The following ESYT2 variants were observed in gnomAD, a reference collection of about 807,000 sequenced individuals.
ESYT2 encodes extended synaptotagmin 2, also known as extended synaptotagmin-2.
A neutral mutation model predicts 107.2 loss-of-function variants in ESYT2; 54 were observed. The ratio of observed to expected loss-of-function variants is 0.50; its 90% CI spans 0.40 to 0.63. ESYT2 has a LOEUF of 0.63. Ranked by LOEUF, ESYT2 falls within the 30% of genes least tolerant of loss-of-function variation. ESYT2 has a pLI of 0.00. For synonymous variants in ESYT2, 491 were observed against 434.1 expected, an observed-to-expected ratio of 1.13 and a Z score of -1.63; for missense variants, 1,020 against 1,094.5, an observed-to-expected ratio of 0.93 and a Z score of 0.96.
At chr7:158,799,855 C>T (rs1216712355) in intron 1 of ESYT2, among the ~76,000 whole-genome samples, 1 of 151,998 alleles carries the variant, frequency 6.6e-6, no homozygotes, top group Non-Finnish European at 1.5e-5. Flanking sequence ...TAGGGCCAGG[C>T]ATGGTGGCTC....
chr7:158,809,676 A>G (rs1839940540), intron 1 of ESYT2, among the ~76,000 whole-genome samples: 1 of 152,200 alleles, frequency 6.6e-6, no homozygotes, highest in African/African-American at 2.4e-5. Flanking sequence ...GACAGTGTTA[A>G]GTTTAGCCTA....
In ESYT2 at chr7:158,780,950, CAA is replaced by C. The variant is rs200379494; in HGVS notation, c.747+7052_747+7053del. On this transcript the variant is annotated intron_variant, in intron 6 of 22. Transcript: ENST00000275418. The stretch of plus-strand genomic sequence containing the variant: ...TGTATGAGTGAGAATGTGTGTGAGA[CAA>C]AGAGTGTGAGAGGCTGTGTAAATCT... Among the ~76,000 whole-genome samples, 736 of 152,152 alleles carry C rather than the reference CAA, an allele frequency of 4.8e-3. 10 individuals are homozygous for C. The highest frequency in any genetic ancestry group is 0.016 in the African/African-American group (660 of 41,494).
intron 3 of ESYT2, among the ~76,000 whole-genome samples, chr7:158,796,671 A>C (rs971463131): frequency 4.6e-5 from 7 of 152,200 alleles, no homozygotes; most frequent in Non-Finnish European, 7.4e-5. Flanking sequence ...CATGGCCAAG[A>C]CGGCACCGCG....
chr7:158,799,205 G>A (rs1839561048), intron 1 of ESYT2, 133 bp from the exon 2 acceptor site: 1 of 783,080 alleles, frequency 1.3e-6, no homozygotes, highest in East Asian at 2.6e-5. Flanking sequence ...CTGCTCTAAA[G>A]CTTGGGAAAC....
intron 13 of ESYT2, among the ~76,000 whole-genome samples, chr7:158,754,707 C>T (rs959882698): frequency 9.2e-5 from 14 of 152,172 alleles, no homozygotes; most frequent in African/African-American, 3.4e-4. Context: ...AATAAATTCA[C>T]TTTGCACTAG....
At position 158,829,117 on chromosome 7, in the gene ESYT2, C is replaced by G. The variant is rs1389170150; in HGVS notation, c.302G>C (p.Gly101Ala). The change falls in exon 1 of 23, where the codon GGG becomes GCG. Residue 101 changes from glycine (G) to alanine (A), a missense_variant. By Grantham distance (60) the Gly-to-Ala change is moderately conservative. Coordinates refer to ENST00000275418, the MANE Select transcript of ESYT2 (RefSeq NM_001367773.1). ...LEDEERVVRL[G>A]VRACDLPAWV... is the part of the protein sequence containing the mutation. ...GGCGGGCAGGTCGCAGGCGCGCACCCCCAGGCGCACGACGCGCTCCTCGTC... is the reference window on the plus strand; with the variant it reads ...GGCGGGCAGGTCGCAGGCGCGCACCGCCAGGCGCACGACGCGCTCCTCGTC... The G allele has an allele frequency of 6.3e-7, 1 of 1,578,656 alleles. No homozygotes were observed. The highest frequency in any genetic ancestry group is 8.5e-7 in the Non-Finnish European group (1 of 1,171,564).
At chr7:158,748,327 AG>A (rs772252155) in intron 15 of ESYT2, 47 bp from the exon 16 acceptor site, 1 of 1,431,334 alleles carries the variant, frequency 7.0e-7, no homozygotes, top group Non-Finnish European at 9.8e-7. Context: ...TCTGTGGAAA[AG>A]GGCTACTCAT....
chr7:158,827,717 T>C (rs1011125731), intron 1 of ESYT2: 1 of 152,256 alleles, frequency 6.6e-6, no homozygotes, highest in Non-Finnish European at 1.5e-5. Context: ...TTGCCATCTG[T>C]GTCATGCCTT....
chr7:158,751,612 A>G (rs908684917), intron 14 of ESYT2, among the ~76,000 whole-genome samples: 1 of 121,572 alleles, frequency 8.2e-6, no homozygotes, highest in African/African-American at 3.2e-5. Context: ...TATAACAATT[A>G]TAATATATAT....
At chr7:158,825,220 G>A (rs899864611) in intron 1 of ESYT2, among the ~76,000 whole-genome samples, 44 of 152,320 alleles carry the variant, frequency 2.9e-4, no homozygotes, top group African/African-American at 1.1e-3. Flanking sequence ...TTAAACCCGG[G>A]AGGCAGAGGT....
At chr7:158,800,955 G>A (rs1338663068) in intron 1 of ESYT2, among the ~76,000 whole-genome samples, 1 of 152,006 alleles carries the variant, frequency 6.6e-6, no homozygotes, top group Non-Finnish European at 1.5e-5. Context: ...CCTCACTGTA[G>A]GCATGGGTGC....
chr7:158,809,527 TG>T (rs1839936256), intron 1 of ESYT2, among the ~76,000 whole-genome samples: 1 of 148,268 alleles, frequency 6.7e-6, no homozygotes, highest in Non-Finnish European at 1.5e-5. Flanking sequence ...CAAAAGTATT[TG>T]TATAAACGCT....
chr7:158,781,051 G>GA (rs1838766464), intron 6 of ESYT2, among the ~76,000 whole-genome samples: 1 of 152,230 alleles, frequency 6.6e-6, no homozygotes, highest in African/African-American at 2.4e-5. Flanking sequence ...AATATGTGAG[G>GA]AGTGTGTGAG....
chr7:158,765,995 C>T (rs956073540), intron 8 of ESYT2, among the ~76,000 whole-genome samples: 9 of 151,812 alleles, frequency 5.9e-5, no homozygotes, highest in Non-Finnish European at 8.8e-5. Context: ...GTCAGGAGAT[C>T]GAGACCATCC....
chr7:158,776,419 G>C (rs1646986229), intron 6 of ESYT2, among the ~76,000 whole-genome samples: 1 of 152,222 alleles, frequency 6.6e-6, no homozygotes, highest in African/African-American at 2.4e-5. Flanking sequence ...GTTGTTTAGT[G>C]GAGCCACCTT....
At chr7:158,790,314 A>G (rs1450350305) in intron 4 of ESYT2, among the ~76,000 whole-genome samples, 1 of 152,222 alleles carries the variant, frequency 6.6e-6, no homozygotes, top group Non-Finnish European at 1.5e-5. Flanking sequence ...AAAGGATCAA[A>G]AACAGCACAC....
chr7:158,736,363 T>C (rs1431572498), intron 20 of ESYT2, among the ~76,000 whole-genome samples: 1 of 152,232 alleles, frequency 6.6e-6, no homozygotes, highest in Non-Finnish European at 1.5e-5. Context: ...CATACAACTG[T>C]ATTATTATCA....
chr7:158,771,644 G>A (rs1378601098), intron 7 of ESYT2, among the ~76,000 whole-genome samples: 1 of 152,176 alleles, frequency 6.6e-6, no homozygotes, highest in East Asian at 1.9e-4. Flanking sequence ...GGGAGCTGGC[G>A]AGAGAGCCCT....
chr7:158,746,237 C>T (rs1015524252), intron 16 of ESYT2, among the ~76,000 whole-genome samples: 2 of 141,436 alleles, frequency 1.4e-5, no homozygotes, highest in African/African-American at 5.6e-5. Flanking sequence ...TAGACACACA[C>T]ACACACACAC....
Sources: allele counts gnomAD v4.1 joint callset (sites outside exome capture counted in the v4.1 genomes callset), GRCh38; gene constraint gnomAD v4.1.1; transcripts MANE v1.5; gene names NCBI Gene and HGNC (gene_info 2026-07-23, HGNC 2026-07-21).